Variants in LARP1 observed in about 807,000 individuals in gnomAD.
LARP1 encodes the protein La ribonucleoprotein 1, translational regulator.
In LARP1, 36 loss-of-function variants were observed where a neutral mutation model predicts 122.7. The ratio of observed to expected loss-of-function variants is 0.29; its 90% CI spans 0.22 to 0.39. The LOEUF (loss-of-function observed/expected upper bound fraction) is 0.39, where lower values mean the gene tolerates loss of function less well. Ranked by LOEUF, LARP1 falls within the 10% of genes least tolerant of loss-of-function variation. The pLI, the probability that LARP1 is intolerant of heterozygous loss-of-function variation, is 1.00. For missense variants in LARP1, 1,040 were observed against 1,403.6 expected, an observed-to-expected ratio of 0.74 and a Z score of 4.14; for synonymous variants, 539 against 528.7, an observed-to-expected ratio of 1.02 and a Z score of -0.27.
chr5:154,744,147 A>T (rs1467089144), intron 1 of LARP1, among the ~76,000 whole-genome samples: 1 of 152,140 alleles, frequency 6.6e-6, no homozygotes, highest in African/African-American at 2.4e-5. Context: ...TTGGCAGGGG[A>T]GGATCATAAA....
intron 8 of LARP1, among the ~76,000 whole-genome samples, chr5:154,797,221 G>GGTTTTTTTTTTTTTTT (rs1757940079): frequency 6.7e-5 from 2 of 29,748 alleles, no homozygotes; most frequent in African/African-American, 2.1e-4. Context: ...TGTTGTTGTT[G>GGTTTTTTTTTTTTTTT]TTTTTTTTTT....
chr5:154,816,911 A>T lies in LARP1; in HGVS notation c.*2815A>T, dbSNP rs1582511500. ...GGGAGCAAAGGCACTACCAGTAGAGAAGGGCCATCCAGCCGTGCCCCAGCC... is the reference window on the plus strand; with the variant it reads ...GGGAGCAAAGGCACTACCAGTAGAGTAGGGCCATCCAGCCGTGCCCCAGCC... On this transcript the variant is annotated 3_prime_UTR_variant, in exon 19 of 19. Transcript: ENST00000518297. 2 of 152,334 alleles carry T rather than the reference A, an allele frequency of 1.3e-5. No homozygotes were observed. Among genetic ancestry groups the T allele is most frequent in the East Asian group, 3.9e-4 (2 of 5,182 alleles). The allele number at this position is 152,334 out of a possible 1,614,324, so 9.4% of individuals were successfully genotyped here. A position where few individuals can be genotyped will look rare whatever the true frequency, so the allele number is the denominator to read the frequency against.
chr5:154,713,462 T>G lies in LARP1; in HGVS notation c.205+332T>G, dbSNP rs115105230. The stretch of plus-strand genomic sequence containing the variant: ...TGGCCCTGTAATAGCCAATCAGTGT[T>G]TTTTGGTTAGCAGACACAAACCACT... On this transcript the variant is annotated intron_variant, in intron 1 of 18. Transcript: ENST00000336314. Among the ~76,000 whole-genome samples the G allele has an allele frequency of 9.6e-3, 1,467 of 152,346 alleles. 26 individuals are homozygous for G. Among genetic ancestry groups the G allele is most frequent in the African/African-American group, 0.033 (1,363 of 41,580 alleles).
chr5:154,793,544 AG>A lies in LARP1; in HGVS notation c.740-49del, dbSNP rs780632894. 3.7e-6 allele frequency: 6 copies of A among 1,612,388 alleles called. No homozygotes were observed. The Middle Eastern group carries it at 6.6e-4, about 177-fold the overall frequency. On this transcript the variant is annotated intron_variant, in intron 4 of 18. Coordinates refer to ENST00000518297, the MANE Select transcript of LARP1 (RefSeq NM_033551.3). Reference sequence around the variant, plus strand: ...GAAGAGGAGTTGGGTAGAGCTGGCTAGGAGTGGCCTCTCCCTCAAGCCTTTC... The same window carrying A: ...GAAGAGGAGTTGGGTAGAGCTGGCTAGAGTGGCCTCTCCCTCAAGCCTTTC...
chr5:154,775,674 A>G lies in LARP1; in HGVS notation c.437-14651A>G, dbSNP rs138658333. Among the ~76,000 whole-genome samples the G allele has an allele frequency of 1.2e-3, 177 of 152,274 alleles. 1 individual carries two copies. The East Asian group carries it at 0.029, about 25-fold the overall frequency. ...ATTATCCCCACCTGGCAGGTGAACT[A>G]ACGGGCTCAAGAGGAGTGGATTCTG... On this transcript the variant is annotated intron_variant, in intron 1 of 18. Coordinates refer to ENST00000518297, the MANE Select transcript of LARP1 (RefSeq NM_033551.3).
Position 154,803,779 on chromosome 5 carries a change from G to A in LARP1, c.2439+34G>A. 1 of 1,595,268 alleles carries A rather than the reference G, an allele frequency of 6.3e-7. No individual in the cohort carries two copies. The highest frequency in any genetic ancestry group is 8.6e-7 in the Non-Finnish European group (1 of 1,163,188). ...TTCCTGTCGGGCTGCTCAGAGTCTTGGGTCTACTTCATTGCATTCCAGTGC... is the reference window on the plus strand; with the variant it reads ...TTCCTGTCGGGCTGCTCAGAGTCTTAGGTCTACTTCATTGCATTCCAGTGC... On this transcript the variant is annotated intron_variant, in intron 13 of 18. Transcript: ENST00000518297. The surrounding 1 kb of genome is among the most constrained non-coding windows in gnomAD (Gnocchi z 4.4).
intron 8 of LARP1, among the ~76,000 whole-genome samples, chr5:154,797,949 G>T (rs139738788): frequency 9.5e-4 from 145 of 152,300 alleles, no homozygotes; most frequent in Admixed American, 7.0e-3. Context: ...CTTCCAAAGT[G>T]TTGGGATTAC....
intron 1 of LARP1, among the ~76,000 whole-genome samples, chr5:154,714,480 C>T (rs1755383065): frequency 6.6e-6 from 1 of 152,178 alleles, no homozygotes; most frequent in Non-Finnish European, 1.5e-5. Flanking sequence ...GAACCCAGTC[C>T]TGGAATGTGG....
Position 154,814,225 on chromosome 5 carries a change from C to A in LARP1, c.*129C>A. The A allele has an allele frequency of 3.2e-6, 3 of 929,862 alleles. No homozygotes were observed. Among genetic ancestry groups the A allele is most frequent in the Non-Finnish European group, 5.0e-6 (3 of 604,488 alleles). The allele number at this position is 929,862 out of a possible 1,614,324, so 57.6% of individuals were successfully genotyped here. ...GGAGTTACTAGGACAGGCCTTTGTG[C>A]TGAGTAGCAATGTATACACCATTTG... On this transcript the variant is annotated 3_prime_UTR_variant, in exon 19 of 19. Coordinates refer to ENST00000518297, the MANE Select transcript of LARP1 (RefSeq NM_033551.3).
rs779216675 is a variant in LARP1, at chr5:154,802,339, C to T, written c.2049C>T (p.Leu683=). Residue 683 remains leucine (L), a synonymous_variant, in exon 11 of 19, where the codon CTC becomes CTT. Transcript: ENST00000518297. This position sits in a 1 kb window ranked among gnomAD's most constrained non-coding sequence, Gnocchi z 5.1. ...AELAKVINDG[L]FYYEQDLWAE... ...TGGCCAAGGTCATTAATGATGGCCT[C>T]TTCTACTATGAGCAGGACCTGTGGG... 3 of 1,614,018 alleles carry T rather than the reference C, an allele frequency of 1.9e-6. No individual in the cohort carries two copies. In the South Asian group the frequency reaches 3.3e-5, roughly 18 times the overall value.
chr5:154,747,305 CAAAAA>C (rs1159076798), intron 1 of LARP1, among the ~76,000 whole-genome samples: 1 of 74,582 alleles, frequency 1.3e-5, no homozygotes. Context: ...GACTCTGTCC[CAAAAA>C]AAAAAAAAAA....
At chr5:154,783,852 A>C (rs1025961696) in intron 1 of LARP1, among the ~76,000 whole-genome samples, 2 of 152,140 alleles carry the variant, frequency 1.3e-5, no homozygotes, top group Non-Finnish European at 2.9e-5. Context: ...AGTGGTTGAG[A>C]TCTGTCTTTC....
intron 1 of LARP1, among the ~76,000 whole-genome samples, chr5:154,684,789 G>A (rs1263339475): frequency 6.6e-6 from 1 of 152,144 alleles, no homozygotes; most frequent in African/African-American, 2.4e-5. Context: ...GCATAAAAAA[G>A]GCAGAATGAA....
chr5:154,720,001 G>C (rs370235764), intron 1 of LARP1, among the ~76,000 whole-genome samples: 2 of 152,142 alleles, frequency 1.3e-5, no homozygotes, highest in Non-Finnish European at 2.9e-5. Context: ...CGACCAGCCT[G>C]GGCAACAAGG....
At chr5:154,742,379 T>TG (rs1426027606) in intron 1 of LARP1, among the ~76,000 whole-genome samples, 1 of 152,142 alleles carries the variant, frequency 6.6e-6, no homozygotes, top group Non-Finnish European at 1.5e-5. Flanking sequence ...CTGGCCAACA[T>TG]GGCGAAACCC....
intron 1 of LARP1, among the ~76,000 whole-genome samples, chr5:154,716,466 A>G (rs571018288): frequency 1.0e-3 from 155 of 152,096 alleles, no homozygotes; most frequent in African/African-American, 3.4e-3. Context: ...TTTTGTTTTG[A>G]GACAGAGAGT....
In LARP1 at chr5:154,793,813, C is replaced by T. The variant is rs769023267; in HGVS notation, c.882C>T (p.Ala294=). The stretch of plus-strand genomic sequence containing the variant: ...CTCTCCCCATAGGGTCTGAGTCTGC[C>T]ACCTACGTGCCCGTGGCCCCCCCCA... ...NRGEIKGSES[A]TYVPVAPPTP... The change falls in exon 6 of 19, where the codon GCC becomes GCT. Residue 294 remains alanine (A), a synonymous_variant. Transcript: ENST00000518297. 2.5e-6 allele frequency: 4 copies of T among 1,614,032 alleles called. No individual in the cohort carries two copies. Among genetic ancestry groups the T allele is most frequent in the Admixed American group, 1.7e-5 (1 of 60,010 alleles).
chr5:154,695,019 T>A (rs1427879253), intron 1 of LARP1, among the ~76,000 whole-genome samples: 2 of 151,940 alleles, frequency 1.3e-5, no homozygotes, highest in East Asian at 3.9e-4. Context: ...AAAAGTTTTT[T>A]AAAAAACACT....
At chr5:154,717,550 G>A (rs1755585116) in intron 1 of LARP1, among the ~76,000 whole-genome samples, 1 of 152,142 alleles carries the variant, frequency 6.6e-6, no homozygotes, top group African/African-American at 2.4e-5. Context: ...TAGCTAATCT[G>A]AGTCCATGTA....
Sources: allele counts gnomAD v4.1 joint callset (sites outside exome capture counted in the v4.1 genomes callset), GRCh38; gene constraint gnomAD v4.1.1; non-coding constraint Gnocchi (gnomAD v3.1); transcripts MANE v1.5; gene names NCBI Gene and HGNC (gene_info 2026-07-23, HGNC 2026-07-21).